The following CDRT4 variants were observed in gnomAD, a reference collection of about 807,000 sequenced individuals.
CDRT4 encodes the protein CMT1A duplicated region transcript 4 protein.
For synonymous variants in CDRT4, 64 were observed against 69.6 expected (o/e 0.92, Z 0.40); for missense variants, 167 against 193.1 (o/e 0.87, Z 0.80).
chr17:15,447,528 T>G (rs1979081047), intron 2 of CDRT4, among the ~76,000 whole-genome samples: 1 of 152,232 alleles, frequency 6.6e-6, no homozygotes, highest in Non-Finnish European at 1.5e-5. Context: ...TGCATGTGAA[T>G]TATAATGCTG....
chr17:15,467,370 C>T (rs971001224), intron 1 of CDRT4, 90 bp downstream of exon 1: 1 of 152,132 alleles, frequency 6.6e-6, no homozygotes, highest in African/African-American at 2.4e-5. Flanking sequence ...AAGGACCTGA[C>T]CTTCTCCTGG....
At chr17:15,448,667 G>C (rs1412932978) in intron 2 of CDRT4, among the ~76,000 whole-genome samples, 1 of 152,166 alleles carries the variant, frequency 6.6e-6, no homozygotes, top group Non-Finnish European at 1.5e-5. Context: ...GGAGCCTGGA[G>C]GCAGTCACTT....
intron 1 of CDRT4, among the ~76,000 whole-genome samples, chr17:15,453,633 A>G (rs1979358634): frequency 6.6e-6 from 1 of 152,170 alleles, no homozygotes; most frequent in African/African-American, 2.4e-5. Context: ...AGGTTCTGCA[A>G]TATTATTGTG....
intron 1 of CDRT4, among the ~76,000 whole-genome samples, chr17:15,461,047 T>C (rs1242968556): frequency 6.6e-6 from 1 of 152,210 alleles, no homozygotes; most frequent in Non-Finnish European, 1.5e-5. Context: ...CAGAAAGGCT[T>C]TTTCTAACTT....
chr17:15,443,133 G>A (rs1978846839), intron 2 of CDRT4, among the ~76,000 whole-genome samples: 1 of 152,056 alleles, frequency 6.6e-6, no homozygotes, highest in Admixed American at 6.5e-5. Flanking sequence ...ACTAGGTTTG[G>A]CCTAAATCAT....
At chr17:15,445,383 C>T (rs777822079) in intron 2 of CDRT4, among the ~76,000 whole-genome samples, 11 of 152,178 alleles carry the variant, frequency 7.2e-5, no homozygotes, top group Middle Eastern at 3.4e-3. Context: ...AAAAAAAATG[C>T]CATGTTAAAA....
chr17:15,444,746 G>GAGAGAGAGAGAGAGAGAGAGAGAGA (rs1978941589), intron 2 of CDRT4, among the ~76,000 whole-genome samples: 2 of 149,410 alleles, frequency 1.3e-5, no homozygotes, highest in Admixed American at 6.7e-5. Flanking sequence ...GAGAGAGAGA[G>GAGAGAGAGAGAGAGAGAGAGAGAGA]GTCCAGAAGA....
rs562669840 is a variant in CDRT4, at chr17:15,464,292, A to G, written c.-130+3168T>C. ...CAGGTTTGAGAGCTGATGCATCCAT[A>G]CTCCAAATAGACCTTGAGCCCGTCA... On this transcript the variant is annotated intron_variant, in intron 1 of 3. Transcript: ENST00000619038. The surrounding 1 kb of genome is among the most constrained non-coding windows in gnomAD (Gnocchi z 4.5). Among the ~76,000 whole-genome samples the G allele has an allele frequency of 2.0e-5, 3 of 151,912 alleles. No homozygotes were observed. The highest frequency in any genetic ancestry group is 4.4e-5 in the Non-Finnish European group (3 of 67,962).
At position 15,440,202 on chromosome 17, in the gene CDRT4, C is replaced by T; in HGVS notation, c.31+6G>A. On this transcript the variant is annotated splice_donor_region_variant and intron_variant, in intron 3 of 3. Coordinates refer to ENST00000619038, the MANE Select transcript of CDRT4 (RefSeq NM_001204477.2). ...GAGCTTCCACTGGTAACACTCCCAA[C>T]CCTACCTTCTTCTTTCTTCATCCTT... The T allele has an allele frequency of 1.2e-6, 2 of 1,613,356 alleles. No individual in the cohort carries two copies. The highest frequency in any genetic ancestry group is 1.6e-4 in the Middle Eastern group (1 of 6,062).
At chr17:15,443,805 G>C in intron 2 of CDRT4, 1 of 542,976 alleles carries the variant, frequency 1.8e-6, no homozygotes, top group Non-Finnish European at 3.6e-6. Context: ...GTTGACAAAG[G>C]GTGGGGTAAC....
Position 15,444,164 on chromosome 17 carries a change from A to G in CDRT4, c.-47-3879T>C, listed in dbSNP as rs1208900141. The G allele has an allele frequency of 1.1e-5, 13 of 1,207,984 alleles. No homozygotes were observed. The East Asian group carries it at 3.1e-4, about 28-fold the overall frequency. 74.8% of individuals were successfully genotyped at this position (1,207,984 alleles called of 1,614,324 possible). A position where few individuals can be genotyped will look rare whatever the true frequency, so the allele number is the denominator to read the frequency against. ...TGGATGGTATATATGTCTCTGAAAA[A>G]GGAACTGTTCAGCAGGCCGATGAAT... On this transcript the variant is annotated intron_variant, in intron 2 of 3. Transcript: ENST00000619038.
rs779517919 is a variant in CDRT4, at chr17:15,464,280, T to C, written c.-130+3180A>G. 6.6e-6 allele frequency among the ~76,000 whole-genome samples: 1 copy of C among 152,156 alleles called. No homozygotes were observed. The highest frequency in any genetic ancestry group is 1.5e-5 in the Non-Finnish European group (1 of 68,022). ...CAGGCAAGCCTTCAGGTTTGAGAGC[T>C]GATGCATCCATACTCCAAATAGACC... On this transcript the variant is annotated intron_variant, in intron 1 of 3. Coordinates refer to ENST00000619038, the MANE Select transcript of CDRT4 (RefSeq NM_001204477.2). The surrounding 1 kb of genome is among the most constrained non-coding windows in gnomAD (Gnocchi z 4.5).
chr17:15,465,152 AAC>A lies in CDRT4; in HGVS notation c.-130+2306_-130+2307del, dbSNP rs997873512. 1.9e-4 allele frequency among the ~76,000 whole-genome samples: 22 copies of A among 113,628 alleles called. 5 individuals are homozygous for A. The East Asian group carries it at 6.9e-3, about 36-fold the overall frequency. 74.5% of individuals were successfully genotyped at this position (113,628 alleles called of 152,430 possible). Reference sequence around the variant, plus strand: ...ACACAGATACAAACACAGACACACCAACACACACACACCAACACACAGACACA... The same window carrying A: ...ACACAGATACAAACACAGACACACCAACACACACACCAACACACAGACACA... On this transcript the variant is annotated intron_variant, in intron 1 of 3. Transcript: ENST00000619038.
intron 1 of CDRT4, among the ~76,000 whole-genome samples, chr17:15,458,138 C>T (rs1002058377): frequency 2.6e-5 from 4 of 152,172 alleles, no homozygotes; most frequent in Admixed American, 6.5e-5. Context: ...ACATTCATTT[C>T]GCTTTTACTG....
At chr17:15,449,606 C>T (rs1409719370) in intron 2 of CDRT4, among the ~76,000 whole-genome samples, 1 of 152,100 alleles carries the variant, frequency 6.6e-6, no homozygotes, top group Non-Finnish European at 1.5e-5. Flanking sequence ...CTGTTTGTTA[C>T]GTGGGTATAT....
intron 2 of CDRT4, among the ~76,000 whole-genome samples, chr17:15,442,085 A>C (rs1163693221): frequency 6.6e-6 from 1 of 152,172 alleles, no homozygotes; most frequent in Admixed American, 6.5e-5. Context: ...GTGAAAATAG[A>C]ACTCTTTACT....
intron 2 of CDRT4, among the ~76,000 whole-genome samples, chr17:15,451,451 T>C (rs980479492): frequency 3.4e-5 from 5 of 146,526 alleles, no homozygotes; most frequent in Admixed American, 1.4e-4. Context: ...TCAGATTAAA[T>C]CATCCCCCTG....
intron 1 of CDRT4, among the ~76,000 whole-genome samples, chr17:15,463,180 C>T (rs979772161): frequency 2.0e-5 from 3 of 151,698 alleles, no homozygotes; most frequent in African/African-American, 7.3e-5. Flanking sequence ...GAAGATCAGG[C>T]GTGTTGGGAA....
At chr17:15,440,921 T>G (rs1404555737) in intron 2 of CDRT4, among the ~76,000 whole-genome samples, 2 of 152,128 alleles carry the variant, frequency 1.3e-5, no homozygotes, top group South Asian at 4.1e-4. Flanking sequence ...CCTCCAGAAC[T>G]GCTGATTTAG....
Sources: gnomAD v4.1 joint callset for allele counts (sites outside exome capture counted in the v4.1 genomes callset) on GRCh38, gnomAD v4.1.1 for gene constraint, Gnocchi (gnomAD v3.1) non-coding constraint, MANE v1.5 for transcripts, NCBI Gene and HGNC (gene_info 2026-07-23, HGNC 2026-07-21) for gene names.